ELF5: variants seen among roughly 807,000 people sequenced by gnomAD.
ELF5 encodes ETS-related transcription factor Elf-5.
A neutral mutation model predicts 38.2 loss-of-function variants in ELF5; 31 were observed. The ratio of observed to expected loss-of-function variants is 0.81; its 90% CI spans 0.61 to 1.10. The LOEUF is 1.10. ELF5 is among the 50% of genes least tolerant of loss of function. ELF5 has a pLI of 0.00. For missense variants in ELF5, 300 were observed against 306.6 expected (o/e 0.98, Z 0.16); for synonymous variants, 121 against 112.5 (o/e 1.08, Z -0.48).
In ELF5 at chr11:34,490,095, G is replaced by A. The variant is rs768074835; in HGVS notation, c.356-36C>T. On this transcript the variant is annotated intron_variant, in intron 3 of 6. Transcript: ENST00000257832. ...AAAAGAAATCCAGAAACCATACCATGCAATCCTGGTTTCCACTGGCCAGGC... is the reference window on the plus strand; with the variant it reads ...AAAAGAAATCCAGAAACCATACCATACAATCCTGGTTTCCACTGGCCAGGC... 6 of 1,610,980 alleles carry A rather than the reference G, an allele frequency of 3.7e-6. No individual in the cohort carries two copies. In the South Asian group the frequency reaches 5.5e-5, roughly 15 times the overall value.
At chr11:34,507,128 C>T (rs1204537279) in intron 1 of ELF5, among the ~76,000 whole-genome samples, 1 of 152,096 alleles carries the variant, frequency 6.6e-6, no homozygotes, top group African/African-American at 2.4e-5. Flanking sequence ...TAGAGCAAAC[C>T]CTAAACCCTG....
Position 34,480,203 on chromosome 11 carries a change from G to T in ELF5, c.*15C>A. 6.2e-7 allele frequency: 1 copy of T among 1,604,670 alleles called. No homozygotes were observed. Among genetic ancestry groups the T allele is most frequent in the Non-Finnish European group, 8.5e-7 (1 of 1,172,290 alleles). ...AGACAGAAATCCATAAAATGAGCTT[G>T]ATGCCTGGAGCAGATCATAGCTTGT... On this transcript the variant is annotated 3_prime_UTR_variant, in exon 7 of 7. Coordinates refer to ENST00000257832, the MANE Select transcript of ELF5 (RefSeq NM_001422.4).
Position 34,479,972 on chromosome 11 carries a change from A to G in ELF5, c.*246T>C. ...ACTCTAGGAAAATAAAGTTTGATCA[A>G]GACACCACAAAAGATCATCCCCTCA... On this transcript the variant is annotated 3_prime_UTR_variant, in exon 7 of 7. Transcript: ENST00000257832. The G allele has an allele frequency of 6.1e-6, 3 of 489,610 alleles. No individual in the cohort carries two copies. The highest frequency in any genetic ancestry group is 7.4e-5 in the East Asian group (2 of 26,970). 30.3% of individuals were successfully genotyped at this position (489,610 alleles called of 1,614,324 possible). A position where few individuals can be genotyped will look rare whatever the true frequency, so the allele number is the denominator to read the frequency against.
intron 2 of ELF5, among the ~76,000 whole-genome samples, chr11:34,499,911 C>T (rs574272313): frequency 6.6e-6 from 1 of 152,322 alleles, no homozygotes; most frequent in African/African-American, 2.4e-5. Context: ...ACTGTCCTAA[C>T]CTCTCTGGAC....
At chr11:34,492,760 A>G (rs971398442) in intron 3 of ELF5, 3 of 153,226 alleles carry the variant, frequency 2.0e-5, no homozygotes, top group Non-Finnish European at 4.4e-5. Flanking sequence ...AGCTCGGAGT[A>G]TTGGAGCCAG....
intron 2 of ELF5, among the ~76,000 whole-genome samples, chr11:34,505,383 GA>G (rs1338045230): frequency 6.6e-6 from 1 of 152,246 alleles, no homozygotes; most frequent in Admixed American, 6.5e-5. Context: ...ACGAGGCTCA[GA>G]GAGGTTAGCT....
At chr11:34,499,647 G>C (rs911583067) in intron 2 of ELF5, among the ~76,000 whole-genome samples, 1 of 152,246 alleles carries the variant, frequency 6.6e-6, no homozygotes, top group Admixed American at 6.5e-5. Context: ...CTCTGGAGCA[G>C]AACTTGATCT....
At chr11:34,511,485 C>T (rs1019080778) in intron 1 of ELF5, 12 of 1,611,426 alleles carry the variant, frequency 7.4e-6, no homozygotes, top group Middle Eastern at 1.6e-4. Context: ...GAATGATTAA[C>T]ACAAGGTGGT....
intron 4 of ELF5, among the ~76,000 whole-genome samples, chr11:34,488,667 C>A (rs1850074197): frequency 6.6e-6 from 1 of 152,222 alleles, no homozygotes. Flanking sequence ...ACTGGACACA[C>A]CTTCTCTTTC....
At chr11:34,502,467 C>T (rs1169252950) in intron 2 of ELF5, among the ~76,000 whole-genome samples, 2 of 152,368 alleles carry the variant, frequency 1.3e-5, no homozygotes, top group East Asian at 3.9e-4. Flanking sequence ...GGCTGCACCT[C>T]TCTGGGTGGC....
intron 1 of ELF5, among the ~76,000 whole-genome samples, chr11:34,509,570 G>A (rs573111156): frequency 6.6e-6 from 1 of 151,784 alleles, no homozygotes; most frequent in Admixed American, 6.6e-5. Context: ...GCCTGGGTTT[G>A]GGCTGTGATT....
chr11:34,504,444 G>A (rs1337691572), intron 2 of ELF5, among the ~76,000 whole-genome samples: 1 of 152,076 alleles, frequency 6.6e-6, no homozygotes, highest in East Asian at 1.9e-4. Flanking sequence ...TCCATGTGGG[G>A]TGGGGGCAGG....
chr11:34,487,698 T>C (rs1228620439), intron 4 of ELF5, among the ~76,000 whole-genome samples: 1 of 152,100 alleles, frequency 6.6e-6, no homozygotes, highest in Non-Finnish European at 1.5e-5. Context: ...CTGAGACTAC[T>C]GATGCCGTGA....
chr11:34,502,099 C>G (rs1850486175), intron 2 of ELF5, among the ~76,000 whole-genome samples: 1 of 152,200 alleles, frequency 6.6e-6, no homozygotes, highest in South Asian at 2.1e-4. Flanking sequence ...AGGGTGAGCA[C>G]TTCCCAAGTG....
chr11:34,485,861 G>A (rs969665529), intron 4 of ELF5, among the ~76,000 whole-genome samples: 2 of 152,022 alleles, frequency 1.3e-5, no homozygotes, highest in Non-Finnish European at 2.9e-5. Context: ...TAGCACCACC[G>A]TGAACCCACT....
intron 2 of ELF5, among the ~76,000 whole-genome samples, chr11:34,500,968 TTATCATGC>T (rs11280296): frequency 0.13 from 19,972 of 152,120 alleles, 1,433 homozygotes; most frequent in Admixed American, 0.21. Flanking sequence ...TATGTGCCCG[TTATCATGC>T]TAAATTATTT....
intron 2 of ELF5, among the ~76,000 whole-genome samples, chr11:34,499,538 C>T (rs1381981770): frequency 1.3e-5 from 2 of 152,204 alleles, no homozygotes; most frequent in African/African-American, 4.8e-5. Flanking sequence ...GCCACTGTGC[C>T]TGGCCTGATT....
At chr11:34,511,648 G>A in intron 1 of ELF5, 4 of 1,585,158 alleles carry the variant, frequency 2.5e-6, no homozygotes, top group Non-Finnish European at 3.5e-6. Flanking sequence ...TGCACACAGA[G>A]AGGGTCCACC....
chr11:34,484,704 T>TC (rs1849942073), intron 4 of ELF5, among the ~76,000 whole-genome samples: 4 of 152,120 alleles, frequency 2.6e-5, no homozygotes, highest in Non-Finnish European at 5.9e-5. Context: ...CCCCATTTCT[T>TC]CCAGGATGAA....
Sources: allele counts gnomAD v4.1 joint callset (sites outside exome capture counted in the v4.1 genomes callset), GRCh38; gene constraint gnomAD v4.1.1; transcripts MANE v1.5; gene names NCBI Gene and HGNC (gene_info 2026-07-23, HGNC 2026-07-21).